Variants in PRPF31 observed in about 807,000 individuals in gnomAD.
The protein encoded by PRPF31 is pre-mRNA processing factor 31.
In PRPF31, 12 loss-of-function variants were observed where a neutral mutation model predicts 60.4. The ratio of observed to expected loss-of-function variants is 0.20; its 90% CI spans 0.13 to 0.32. PRPF31 has a LOEUF of 0.32. Among genes scored for constraint, PRPF31 ranks in the 10% least tolerant of loss-of-function variants. The pLI is 1.00. For missense variants in PRPF31, 431 were observed against 687.1 expected, an observed-to-expected ratio of 0.63 and a Z score of 4.17; for synonymous variants, 287 against 287.9, an observed-to-expected ratio of 1.00 and a Z score of 0.03.
intron 5 of PRPF31, chr19:54,122,907 G>C (rs254275): frequency 0.037 from 19,722 of 531,344 alleles, 1,636 homozygotes; most frequent in East Asian, 0.29. Context: ...AGATTTGGGG[G>C]AGAGAGACGT....
At chr19:54,131,248 G>T in intron 13 of PRPF31, 59 bp from the exon 14 acceptor site, 2 of 1,606,570 alleles carry the variant, frequency 1.2e-6, no homozygotes, top group Non-Finnish European at 1.7e-6. Flanking sequence ...GCTCTGATGG[G>T]TCACAGTTGG....
In PRPF31 at chr19:54,131,614, G is replaced by A. The variant is rs587594593; in HGVS notation, c.*182G>A. 68 of 847,616 alleles carry A rather than the reference G, an allele frequency of 8.0e-5. No individual in the cohort carries two copies. The highest frequency in any genetic ancestry group is 1.2e-4 in the Non-Finnish European group (64 of 528,286). 52.5% of individuals were successfully genotyped at this position (847,616 alleles called of 1,614,324 possible). A position where few individuals can be genotyped will look rare whatever the true frequency, so the allele number is the denominator to read the frequency against. ...GGCCTCCCCCAGGACCGAGATCACC[G>A]CCCAGTATGGGCTAGAGCAGGTCTT... On this transcript the variant is annotated 3_prime_UTR_variant, in exon 14 of 14. Coordinates refer to ENST00000321030, the MANE Select transcript of PRPF31 (RefSeq NM_015629.4).
At chr19:54,117,020 A>G (rs2073660943) in intron 1 of PRPF31, among the ~76,000 whole-genome samples, 1 of 152,138 alleles carries the variant, frequency 6.6e-6, no homozygotes, top group South Asian at 2.1e-4. Context: ...GCTTGAGCCC[A>G]GGTGATCGAG....
chr19:54,130,652 C>T (rs1349397625), intron 13 of PRPF31, among the ~76,000 whole-genome samples: 2 of 151,338 alleles, frequency 1.3e-5, no homozygotes, highest in Non-Finnish European at 2.9e-5. Context: ...GGCAGAAATG[C>T]CAGGGAGGGG....
At chr19:54,116,424 T>TC (rs1446310034) in intron 1 of PRPF31, among the ~76,000 whole-genome samples, 1 of 151,982 alleles carries the variant, frequency 6.6e-6, no homozygotes, top group African/African-American at 2.4e-5. Context: ...CAGGCTGGTC[T>TC]CCAACTCCTG....
At chr19:54,123,388 A>G (rs1315088168) in intron 5 of PRPF31, 66 bp from the exon 6 acceptor site, 1 of 1,220,754 alleles carries the variant, frequency 8.2e-7, no homozygotes, top group African/African-American at 1.5e-5. Flanking sequence ...GGAGGTGCTG[A>G]GCAAGAGAGG....
In PRPF31 at chr19:54,118,765, C is replaced by T. The variant is rs1245576717; in HGVS notation, c.238+132C>T. 4.8e-6 allele frequency: 4 copies of T among 837,750 alleles called. No individual in the cohort carries two copies. In the African/African-American group the frequency reaches 5.2e-5, roughly 11 times the overall value. 51.9% of individuals were successfully genotyped at this position (837,750 alleles called of 1,614,324 possible). A position where few individuals can be genotyped will look rare whatever the true frequency, so the allele number is the denominator to read the frequency against. ...AGAGCCTTCTTTTTTTTTTGTTTCA[C>T]CCCAACCCGTTCCCTTTTCCACTAA... On this transcript the variant is annotated intron_variant, in intron 3 of 13. Coordinates refer to ENST00000321030, the MANE Select transcript of PRPF31 (RefSeq NM_015629.4).
intron 8 of PRPF31, chr19:54,125,333 A>C (rs1200743715): frequency 1.3e-5 from 2 of 154,006 alleles, no homozygotes; most frequent in African/African-American, 4.8e-5. Context: ...CATCTCTACC[A>C]AAAATACAAA....
chr19:54,127,272 C>T (rs2073943820), intron 9 of PRPF31, among the ~76,000 whole-genome samples: 1 of 152,168 alleles, frequency 6.6e-6, no homozygotes, highest in African/African-American at 2.4e-5. Flanking sequence ...TCTTTTCCAG[C>T]TTCTAGGGGT....
At chr19:54,130,624 C>CA (rs766640833) in intron 13 of PRPF31, among the ~76,000 whole-genome samples, 2,142 of 96,094 alleles carry the variant, frequency 0.022, 43 homozygotes, top group African/African-American at 0.074. Flanking sequence ...GACTCTGTCT[C>CA]AAAAAAAAAA....
Position 54,128,129 on chromosome 19 carries a change from G to A in PRPF31, c.1002G>A (p.Pro334=), listed in dbSNP as rs772926331. ...GCAAATTCGACAAGTGGCAGGAGCC[G>A]CCGCCTGTGAAGCAGGTGAAGCCGC... ...IERKFDKWQE[P]PPVKQVKPLP... The change falls in exon 10 of 14, where the codon CCG becomes CCA. Residue 334 remains proline (P), a synonymous_variant. Coordinates refer to ENST00000321030, the MANE Select transcript of PRPF31 (RefSeq NM_015629.4). 1.2e-5 allele frequency: 19 copies of A among 1,552,834 alleles called. No individual in the cohort carries two copies. The highest frequency in any genetic ancestry group is 5.4e-5 in the African/African-American group (4 of 73,722).
intron 11 of PRPF31, 78 bp downstream of exon 11, chr19:54,128,455 CCT>C (rs1568598386): frequency 1.4e-6 from 2 of 1,400,914 alleles, no homozygotes; most frequent in East Asian, 2.5e-5. Context: ...CACCGCCCCT[CCT>C]CTCGTCCTGT....
chr19:54,118,737 T>C, intron 3 of PRPF31, 104 bp downstream of exon 3: 2 of 1,132,394 alleles, frequency 1.8e-6, no homozygotes, highest in South Asian at 1.3e-5. Flanking sequence ...CTCAGCCTTT[T>C]CCAGAGCCTT....
intron 1 of PRPF31, among the ~76,000 whole-genome samples, chr19:54,117,069 T>C (rs1312824253): frequency 6.6e-6 from 1 of 151,846 alleles, no homozygotes; most frequent in African/African-American, 2.4e-5. Context: ...CACTGCAGCC[T>C]AGGTGACAGA....
Position 54,117,437 on chromosome 19 carries a change from G to A in PRPF31, c.-8-834G>A, listed in dbSNP as rs1190646177. The stretch of plus-strand genomic sequence containing the variant: ...TGCTCCGAAGGCTGTCTTGAGTCAC[G>A]GGCCACCTGGAGCATGGGCTGGTGT... On this transcript the variant is annotated intron_variant, in intron 1 of 13. Coordinates refer to ENST00000321030, the MANE Select transcript of PRPF31 (RefSeq NM_015629.4). Among the ~76,000 whole-genome samples the A allele has an allele frequency of 3.9e-5, 6 of 152,144 alleles. No homozygotes were observed. In the South Asian group the frequency reaches 6.2e-4, roughly 16 times the overall value.
intron 3 of PRPF31, 165 bp from the exon 4 acceptor site, chr19:54,121,695 G>A (rs2073793161): frequency 2.8e-6 from 2 of 726,976 alleles, no homozygotes; most frequent in African/African-American, 3.5e-5. Flanking sequence ...TTGAAGGCAG[G>A]AACACAAGTT....
chr19:54,119,095 A>T (rs1222196574), intron 3 of PRPF31, among the ~76,000 whole-genome samples: 2 of 152,132 alleles, frequency 1.3e-5, no homozygotes, highest in African/African-American at 4.8e-5. Flanking sequence ...TTTAGGAACC[A>T]CCTAAGGCCG....
intron 8 of PRPF31, among the ~76,000 whole-genome samples, chr19:54,125,874 C>G (rs149543011): frequency 1.2e-4 from 18 of 152,210 alleles, no homozygotes; most frequent in African/African-American, 4.3e-4. Flanking sequence ...CCATCGCCAC[C>G]GCCTCACAGC....
At chr19:54,122,470 G>A (rs764337011) in intron 4 of PRPF31, 27 bp from the exon 5 acceptor site, 21 of 1,563,690 alleles carry the variant, frequency 1.3e-5, no homozygotes, top group Admixed American at 1.7e-5. Context: ...CATCTCACCC[G>A]ACAACCTCCT....
Sources: allele counts gnomAD v4.1 joint callset (sites outside exome capture counted in the v4.1 genomes callset), GRCh38; gene constraint gnomAD v4.1.1; transcripts MANE v1.5; gene names NCBI Gene and HGNC (gene_info 2026-07-23, HGNC 2026-07-21).